Variants in NAALADL2 observed in about 807,000 individuals in gnomAD.
The protein encoded by NAALADL2 is N-acetylated alpha-linked acidic dipeptidase like 2.
In NAALADL2, 76 loss-of-function variants were observed where a neutral mutation model predicts 87.2. The ratio of observed to expected loss-of-function variants is 0.87; its 90% CI spans 0.72 to 1.05. The LOEUF is 1.05. Among genes scored for constraint, NAALADL2 ranks in the 50% least tolerant of loss-of-function variants. The pLI, the probability that NAALADL2 is intolerant of heterozygous loss-of-function variation, is 0.00. For synonymous variants in NAALADL2, 354 were observed against 331.0 expected (o/e 1.07, Z -0.75); for missense variants, 1,089 against 945.8 (o/e 1.15, Z -1.99).
chr3:175,085,675 A>C (rs1011270505), intron 1 of NAALADL2, among the ~76,000 whole-genome samples: 10 of 152,198 alleles, frequency 6.6e-5, no homozygotes, highest in African/African-American at 1.9e-4. Context: ...CTGTAATCCC[A>C]GCACTTTGGG....
chr3:175,778,472 G>A (rs1240912564), intron 13 of NAALADL2, among the ~76,000 whole-genome samples: 1 of 152,014 alleles, frequency 6.6e-6, no homozygotes, highest in Non-Finnish European at 1.5e-5. Context: ...CTCTTTCCTG[G>A]GCAGGAGATG....
chr3:174,932,898 A>G (rs1677410294), intron 1 of NAALADL2, among the ~76,000 whole-genome samples: 2 of 152,170 alleles, frequency 1.3e-5, no homozygotes, highest in Non-Finnish European at 2.9e-5. Context: ...CGGACGGGTC[A>G]CCTGAGGTCA....
chr3:174,557,914 A>C (rs1713049063), intron 2 of NAALADL2, among the ~76,000 whole-genome samples: 1 of 152,172 alleles, frequency 6.6e-6, no homozygotes, highest in Non-Finnish European at 1.5e-5. Context: ...TAATTCCTCC[A>C]GCAATGATTT....
intron 2 of NAALADL2, among the ~76,000 whole-genome samples, chr3:174,716,386 C>A (rs948941345): frequency 6.6e-6 from 1 of 151,608 alleles, no homozygotes. Context: ...TAGTCTCACA[C>A]CTTTTAAATA....
intron 2 of NAALADL2, among the ~76,000 whole-genome samples, chr3:175,137,341 T>C (rs1012731055): frequency 2.6e-5 from 4 of 152,168 alleles, no homozygotes; most frequent in South Asian, 2.1e-4. Context: ...TAACGTTATA[T>C]CATTAGAATT....
Position 175,785,360 on chromosome 3 carries a change from A to AG in NAALADL2, c.2190-17643dup, listed in dbSNP as rs1751782527. ...GTCTAAGTCTCTTTGTAGGTCACTC[A>AG]GGACTTGCTTTATGAATCTGGGTGC... is the stretch of plus-strand genomic sequence containing the variant. On this transcript the variant is annotated intron_variant, in intron 13 of 13. Coordinates refer to ENST00000454872, the MANE Select transcript of NAALADL2 (RefSeq NM_207015.3). Among the ~76,000 whole-genome samples, 3 of 145,510 alleles carry AG rather than the reference A, an allele frequency of 2.1e-5. No homozygotes were observed. In the South Asian group the frequency reaches 6.5e-4, roughly 32 times the overall value.
intron 2 of NAALADL2, among the ~76,000 whole-genome samples, chr3:174,602,270 G>A (rs542160854): frequency 7.8e-4 from 119 of 151,988 alleles, no homozygotes; most frequent in South Asian, 1.2e-3. Context: ...AATATCTTCC[G>A]GTGTTTTTGT....
chr3:175,507,202 C>A (rs1244722593), intron 9 of NAALADL2, among the ~76,000 whole-genome samples: 1 of 151,990 alleles, frequency 6.6e-6, no homozygotes, highest in African/African-American at 2.4e-5. Context: ...CTCTTCTTCT[C>A]CAGACACCCT....
rs376383637 is a variant in NAALADL2 at position 175,659,056 on chromosome 3, A to G, written c.1896+31670A>G. 4.6e-5 allele frequency among the ~76,000 whole-genome samples: 7 copies of G among 152,294 alleles called. No individual in the cohort carries two copies. The East Asian group carries it at 7.7e-4, about 17-fold the overall frequency. On this transcript the variant is annotated intron_variant, in intron 11 of 13. Coordinates refer to ENST00000454872, the MANE Select transcript of NAALADL2 (RefSeq NM_207015.3). ...ATTCTAGGCCATCTGTTTATTAACC[A>G]TGTAACTACGGGAAATTTAGTTAAA...
chr3:175,018,827 T>G (rs934129558), intron 1 of NAALADL2, among the ~76,000 whole-genome samples: 3 of 152,050 alleles, frequency 2.0e-5, no homozygotes, highest in African/African-American at 7.2e-5. Flanking sequence ...GTAACCGGTG[T>G]TTTCTATCTA....
chr3:175,167,161 A>G (rs1199889749), intron 2 of NAALADL2, among the ~76,000 whole-genome samples: 4 of 152,078 alleles, frequency 2.6e-5, no homozygotes, highest in African/African-American at 9.7e-5. Context: ...TGAACCATAC[A>G]GTCTATTGCA....
chr3:175,646,712 C>T (rs566354643), intron 11 of NAALADL2, among the ~76,000 whole-genome samples: 1 of 152,172 alleles, frequency 6.6e-6, no homozygotes, highest in East Asian at 1.9e-4. Context: ...TATTGCCTTC[C>T]ATCGGAGACA....
chr3:174,914,744 A>G (rs1318031594), intron 1 of NAALADL2, among the ~76,000 whole-genome samples: 1 of 152,178 alleles, frequency 6.6e-6, no homozygotes, highest in African/African-American at 2.4e-5. Flanking sequence ...AATTTTATTA[A>G]AGATTAATTT....
At chr3:174,861,427 G>A (rs1252806708) in intron 1 of NAALADL2, among the ~76,000 whole-genome samples, 1 of 152,032 alleles carries the variant, frequency 6.6e-6, no homozygotes, top group African/African-American at 2.4e-5. Context: ...AATGACCAAA[G>A]TGAATGAAAA....
intron 2 of NAALADL2, among the ~76,000 whole-genome samples, chr3:174,665,385 T>C (rs1047664198): frequency 1.3e-5 from 2 of 152,186 alleles, no homozygotes; most frequent in Non-Finnish European, 2.9e-5. Flanking sequence ...TGTTTGGTGC[T>C]ATCGAGTGTG....
intron 9 of NAALADL2, among the ~76,000 whole-genome samples, chr3:175,499,087 A>C (rs185637079): frequency 1.3e-5 from 2 of 152,162 alleles, no homozygotes; most frequent in Admixed American, 1.3e-4. Flanking sequence ...TTTGTATTTC[A>C]CTGTAGGGTT....
intron 2 of NAALADL2, among the ~76,000 whole-genome samples, chr3:175,187,072 G>T (rs1484951700): frequency 6.6e-6 from 1 of 152,080 alleles, no homozygotes; most frequent in African/African-American, 2.4e-5. Context: ...ATTTCTGGTA[G>T]ACACTGCAAT....
chr3:174,572,150 A>G (rs958285969), intron 2 of NAALADL2, among the ~76,000 whole-genome samples: 2 of 151,978 alleles, frequency 1.3e-5, no homozygotes, highest in Admixed American at 6.6e-5. Flanking sequence ...AGTTATTGAG[A>G]CAGAGTCCTG....
At chr3:175,795,544 G>A (rs559253511) in intron 13 of NAALADL2, among the ~76,000 whole-genome samples, 90 of 151,484 alleles carry the variant, frequency 5.9e-4, no homozygotes, top group South Asian at 1.2e-3. Flanking sequence ...TTAGCTGGGC[G>A]TGGTGGCGGG....
Sources: allele counts gnomAD v4.1 joint callset (sites outside exome capture counted in the v4.1 genomes callset), GRCh38; gene constraint gnomAD v4.1.1; transcripts MANE v1.5; gene names NCBI Gene and HGNC (gene_info 2026-07-23, HGNC 2026-07-21).